Variants in UBE2E2 observed in about 807,000 individuals in gnomAD.
UBE2E2 encodes ubiquitin-conjugating enzyme E2 E2.
A neutral mutation model predicts 24.7 loss-of-function variants in UBE2E2; 6 were observed. The observed-to-expected ratio is 0.24, with a 90% CI of 0.13 to 0.48. The LOEUF is 0.48. Ranked by LOEUF, UBE2E2 falls within the 20% of genes least tolerant of loss-of-function variation. The pLI, the probability that UBE2E2 is intolerant of heterozygous loss-of-function variation, is 0.99. For synonymous variants in UBE2E2, 104 were observed against 83.6 expected (o/e 1.24, Z -1.33); for missense variants, 169 against 245.0 (o/e 0.69, Z 2.07).
At chr3:23,405,299 C>T (rs1697329202) in intron 3 of UBE2E2, among the ~76,000 whole-genome samples, 1 of 152,138 alleles carries the variant, frequency 6.6e-6, no homozygotes, top group South Asian at 2.1e-4. Flanking sequence ...ACACCTGCCT[C>T]ACTGATTGTA....
chr3:23,552,199 T>G (rs1340179055), intron 5 of UBE2E2, among the ~76,000 whole-genome samples: 5 of 152,112 alleles, frequency 3.3e-5, no homozygotes, highest in Admixed American at 3.3e-4. Context: ...ATTAAAGTTT[T>G]AGTCAGCAGC....
At chr3:23,330,705 G>C (rs533987844) in intron 3 of UBE2E2, among the ~76,000 whole-genome samples, 3 of 152,274 alleles carry the variant, frequency 2.0e-5, no homozygotes, top group South Asian at 4.1e-4. Flanking sequence ...ATGAATTTAG[G>C]ATTCTAAAAT....
intron 5 of UBE2E2, among the ~76,000 whole-genome samples, chr3:23,585,604 C>T (rs1696607807): frequency 6.6e-6 from 1 of 152,044 alleles, no homozygotes; most frequent in African/African-American, 2.4e-5. Flanking sequence ...CTCCTCTTTT[C>T]AAAAGTGTAA....
chr3:23,214,329 C>G (rs1696413846), intron 2 of UBE2E2, among the ~76,000 whole-genome samples: 1 of 151,972 alleles, frequency 6.6e-6, no homozygotes, highest in South Asian at 2.1e-4. Context: ...TCATAGATCA[C>G]TGTGGCCTCA....
At chr3:23,390,326 G>A (rs1208673939) in intron 3 of UBE2E2, among the ~76,000 whole-genome samples, 3 of 152,108 alleles carry the variant, frequency 2.0e-5, no homozygotes, top group Non-Finnish European at 4.4e-5. Context: ...GAGACGCAAA[G>A]CAGCTGAACA....
intron 3 of UBE2E2, among the ~76,000 whole-genome samples, chr3:23,292,383 A>ACATG: frequency 6.6e-6 from 1 of 152,314 alleles, no homozygotes; most frequent in Non-Finnish European, 1.5e-5. Context: ...CTGCAGACAT[A>ACATG]CATGCCCATG....
At chr3:23,203,595 C>T in intron 1 of UBE2E2, 131 bp downstream of exon 1, 1 of 493,706 alleles carries the variant, frequency 2.0e-6, no homozygotes, top group Non-Finnish European at 2.6e-6. Flanking sequence ...CTAGTTCCCT[C>T]CTTCCTCGCT....
chr3:23,237,281 G>A (rs1697136905), intron 3 of UBE2E2, among the ~76,000 whole-genome samples: 1 of 152,124 alleles, frequency 6.6e-6, no homozygotes, highest in South Asian at 2.1e-4. Context: ...GAATGGTGAA[G>A]GCATATAATG....
chr3:23,586,907 CTT>C (rs11349385), intron 5 of UBE2E2, among the ~76,000 whole-genome samples: 4,654 of 147,510 alleles, frequency 0.032, 109 homozygotes, highest in East Asian at 0.12. Flanking sequence ...AAATTAATCC[CTT>C]TTTTTTTTTT....
At chr3:23,357,598 C>G (rs1695994278) in intron 3 of UBE2E2, among the ~76,000 whole-genome samples, 1 of 152,082 alleles carries the variant, frequency 6.6e-6, no homozygotes, top group Non-Finnish European at 1.5e-5. Context: ...AGGGCATAGC[C>G]TTCCCATTAA....
At position 23,439,088 on chromosome 3, in the gene UBE2E2, A is replaced by G. The variant is rs562047319; in HGVS notation, c.228-60520A>G. Among the ~76,000 whole-genome samples the G allele has an allele frequency of 2.0e-4, 30 of 152,382 alleles. No homozygotes were observed. In the East Asian group the frequency reaches 5.6e-3, roughly 28 times the overall value. On this transcript the variant is annotated intron_variant, in intron 3 of 5. Coordinates refer to ENST00000396703, the MANE Select transcript of UBE2E2 (RefSeq NM_152653.4). ...CAGAGTAGAATGCAAAATTTGGAAC[A>G]GGAACTCAATAATACTTATAAATAA...
At chr3:23,466,815 C>T (rs992733884) in intron 3 of UBE2E2, among the ~76,000 whole-genome samples, 2 of 152,016 alleles carry the variant, frequency 1.3e-5, no homozygotes, top group Non-Finnish European at 2.9e-5. Flanking sequence ...GATCCACCCA[C>T]CTCAGCCTCC....
intron 3 of UBE2E2, among the ~76,000 whole-genome samples, chr3:23,385,899 A>G (rs1359774982): frequency 6.6e-6 from 1 of 152,238 alleles, no homozygotes; most frequent in Non-Finnish European, 1.5e-5. Context: ...GGTAGCTGCT[A>G]TTATTGTCAT....
chr3:23,304,731 T>TA (rs1289689605), intron 3 of UBE2E2, among the ~76,000 whole-genome samples: 2 of 152,204 alleles, frequency 1.3e-5, no homozygotes, highest in African/African-American at 4.8e-5. Flanking sequence ...TGTAGGTTAA[T>TA]TGCTATGTGG....
At chr3:23,359,303 C>A (rs1696049480) in intron 3 of UBE2E2, among the ~76,000 whole-genome samples, 1 of 152,108 alleles carries the variant, frequency 6.6e-6, no homozygotes, top group Non-Finnish European at 1.5e-5. Context: ...ATGGTTCTGG[C>A]AGGTTTTTAG....
intron 5 of UBE2E2, among the ~76,000 whole-genome samples, chr3:23,586,849 G>A (rs1696637782): frequency 6.6e-6 from 1 of 151,340 alleles, no homozygotes; most frequent in East Asian, 1.9e-4. Flanking sequence ...TTACCATATC[G>A]GTATAAAAAT....
At chr3:23,451,535 C>T (rs1232651262) in intron 3 of UBE2E2, among the ~76,000 whole-genome samples, 1 of 152,092 alleles carries the variant, frequency 6.6e-6, no homozygotes, top group Non-Finnish European at 1.5e-5. Context: ...GACGACTATA[C>T]CGTGTTATCT....
At chr3:23,222,295 T>C (rs1453797809) in intron 3 of UBE2E2, among the ~76,000 whole-genome samples, 4 of 152,236 alleles carry the variant, frequency 2.6e-5, no homozygotes, top group Non-Finnish European at 4.4e-5. Flanking sequence ...TTGTGAATGG[T>C]ACTTGGGTAA....
intron 5 of UBE2E2, among the ~76,000 whole-genome samples, chr3:23,562,879 G>A (rs533488841): frequency 6.6e-5 from 10 of 152,302 alleles, no homozygotes; most frequent in Admixed American, 2.0e-4. Context: ...AGTATTCTCC[G>A]ATGGTAGTTT....
Sources: allele counts gnomAD v4.1 joint callset (sites outside exome capture counted in the v4.1 genomes callset), GRCh38; gene constraint gnomAD v4.1.1; transcripts MANE v1.5; gene names NCBI Gene and HGNC (gene_info 2026-07-23, HGNC 2026-07-21).